Variants in GAB4 observed in about 807,000 individuals in gnomAD.
The protein encoded by GAB4 is GRB2 associated binding protein family member 4.
A neutral mutation model predicts 51.3 loss-of-function variants in GAB4; 26 were observed. The ratio of observed to expected loss-of-function variants is 0.51; its 90% CI spans 0.37 to 0.70. GAB4 has a LOEUF of 0.70. Ranked by LOEUF, GAB4 falls within the 30% of genes least tolerant of loss-of-function variation. The probability of loss-of-function intolerance (pLI) is 0.00; values close to 1 mark genes in which losing one functional copy is unlikely to be tolerated. For missense variants in GAB4, 759 were observed against 734.6 expected, an observed-to-expected ratio of 1.03 and a Z score of -0.38; for synonymous variants, 329 against 291.2, an observed-to-expected ratio of 1.13 and a Z score of -1.32.
At chr22:16,977,455 T>C (rs117160513) in intron 3 of GAB4, among the ~76,000 whole-genome samples, 3,367 of 152,128 alleles carry the variant, frequency 0.022, 59 homozygotes, top group Middle Eastern at 0.068. Flanking sequence ...GTAAAGGGAT[T>C]AATTCAACAA....
rs1486561396 is a variant in GAB4 at position 16,997,829 on chromosome 22, A to T, written c.175-5653T>A. On this transcript the variant is annotated intron_variant, in intron 1 of 9. Transcript: ENST00000400588. ...TCTTGAATTAATTTTTGTATAAGGTACAAGGAAGGGATCCAGTTTCAGCTT... is the reference window on the plus strand; with the variant it reads ...TCTTGAATTAATTTTTGTATAAGGTTCAAGGAAGGGATCCAGTTTCAGCTT... 4.6e-5 allele frequency among the ~76,000 whole-genome samples: 7 copies of T among 151,880 alleles called. 1 individual carries two copies. The highest frequency in any genetic ancestry group is 4.6e-4 in the Admixed American group (7 of 15,260).
At position 16,962,289 on chromosome 22, in the gene GAB4, A is replaced by G. The variant is rs9606550; in HGVS notation, c.*444T>C. Reference sequence around the variant, plus strand: ...TTAACCTTCCTTCTCAACTATTCCAACGTTTGATGGCCTTGCCTCTCCCCT... The same window carrying G: ...TTAACCTTCCTTCTCAACTATTCCAGCGTTTGATGGCCTTGCCTCTCCCCT... On this transcript the variant is annotated 3_prime_UTR_variant, in exon 10 of 10. Coordinates refer to ENST00000400588, the MANE Select transcript of GAB4 (RefSeq NM_001037814.1). 0.031 allele frequency: 4,858 copies of G among 154,268 alleles called. 113 individuals carry two copies. The highest frequency in any genetic ancestry group is 0.05 in the Middle Eastern group (15 of 302). 9.6% of individuals were successfully genotyped at this position (154,268 alleles called of 1,614,324 possible).
intron 1 of GAB4, 100 bp from the exon 2 acceptor site, chr22:16,992,276 A>G (rs2060920470): frequency 3.8e-6 from 4 of 1,046,932 alleles, no homozygotes; most frequent in African/African-American, 1.6e-5. Flanking sequence ...TCGGACCTGC[A>G]CTCAGCCTAT....
chr22:16,993,228 CT>C (rs1341782576), intron 1 of GAB4, among the ~76,000 whole-genome samples: 2 of 152,186 alleles, frequency 1.3e-5, no homozygotes, highest in Non-Finnish European at 2.9e-5. Flanking sequence ...TGAGTCTATG[CT>C]TCTCCACTGA....
At chr22:16,975,307 C>T (rs2060767852) in intron 3 of GAB4, among the ~76,000 whole-genome samples, 1 of 152,168 alleles carries the variant, frequency 6.6e-6, no homozygotes, top group South Asian at 2.1e-4. Flanking sequence ...CAACCAGGGA[C>T]ACTGAAGCTT....
chr22:16,986,978 C>A (rs2123696118), intron 3 of GAB4, among the ~76,000 whole-genome samples: 1 of 152,286 alleles, frequency 6.6e-6, no homozygotes, highest in South Asian at 2.1e-4. Context: ...GGGTTCTAGT[C>A]CCGCCTCTAC....
At chr22:16,994,558 A>G (rs1198794522) in intron 1 of GAB4, among the ~76,000 whole-genome samples, 1 of 152,172 alleles carries the variant, frequency 6.6e-6, no homozygotes, top group Non-Finnish European at 1.5e-5. Context: ...AAGGGTTTTT[A>G]TGCTACTGCA....
In GAB4 at chr22:16,970,150, T is replaced by G. The variant is rs759651579; in HGVS notation, c.730A>C (p.Arg244=). 4.3e-6 allele frequency: 7 copies of G among 1,613,950 alleles called. No homozygotes were observed. In the African/African-American group the frequency reaches 5.3e-5, roughly 12 times the overall value. ...AGATTTTGCATGGCTGTGTTTCTCC[T>G]CATGATGAATGGGGCCTCAGAACCC... ...SQGSEAPFIM[R]RNTAMQNLAQ... The change falls in exon 4 of 10, where the codon AGG becomes CGG. Residue 244 remains arginine, a synonymous_variant. Transcript: ENST00000400588.
intron 1 of GAB4, among the ~76,000 whole-genome samples, chr22:16,995,713 A>G (rs2060944817): frequency 6.6e-6 from 1 of 152,224 alleles, no homozygotes; most frequent in Admixed American, 6.5e-5. Flanking sequence ...AGACCTGCAG[A>G]AGAGGAGCCT....
At chr22:16,995,123 G>A (rs888733448) in intron 1 of GAB4, among the ~76,000 whole-genome samples, 6 of 152,204 alleles carry the variant, frequency 3.9e-5, no homozygotes, top group Non-Finnish European at 8.8e-5. Flanking sequence ...TTCAAGCCCA[G>A]CAGCCTGGTT....
In GAB4 at chr22:17,007,988, T is replaced by TG. The variant is rs752205793; in HGVS notation, c.126dup (p.Ser43GlnfsTer31). 1.2e-6 allele frequency: 2 copies of TG among 1,612,178 alleles called. No homozygotes were observed. Among genetic ancestry groups the TG allele is most frequent in the South Asian group, 1.1e-5 (1 of 90,734 alleles). On this transcript the variant is annotated frameshift_variant, in exon 1 of 10. Transcript: ENST00000400588. LOFTEE classifies it high-confidence loss of function. The stretch of plus-strand genomic sequence containing the variant: ...GGGGGCGACTTCCTCAGCCAGCCGC[T>TG]GTACAGCACGTGGCCACTTCTCGTG...
chr22:16,988,538 A>G (rs1418449818), intron 2 of GAB4, among the ~76,000 whole-genome samples: 2 of 152,314 alleles, frequency 1.3e-5, no homozygotes, highest in Admixed American at 1.3e-4. Context: ...GGCCTCCCTC[A>G]AAGCTAAGGC....
In GAB4 at chr22:16,963,736, G is replaced by C. The variant is rs374519173; in HGVS notation, c.1570C>G (p.Gln524Glu). The C allele has an allele frequency of 6.8e-6, 11 of 1,613,068 alleles. No homozygotes were observed. The African/African-American group carries it at 1.2e-4, about 18-fold the overall frequency. ...TCCACCCCAGGCACCTTGCTCGGCTGGAAGTCCAGGGCCGCGTAGTGGATG... is the reference window on the plus strand; with the variant it reads ...TCCACCCCAGGCACCTTGCTCGGCTCGAAGTCCAGGGCCGCGTAGTGGATG... ...GNIHYAALDF[Q>E]PSKPSIGSVT... The change falls in exon 9 of 10, where the codon CAG becomes GAG. Residue 524 changes from glutamine (Q) to glutamate (E), a missense_variant. By Grantham distance (29) the Gln-to-Glu change is conservative (BLOSUM62 2). Around this residue, in one of 3 missense-constraint regions of GAB4, gnomAD observed 588 missense variants for 510.2 expected, o/e 1.15. Transcript: ENST00000400588.
At chr22:16,991,680 G>C (rs2060915036) in intron 2 of GAB4, among the ~76,000 whole-genome samples, 193 bp downstream of exon 2, 1 of 152,188 alleles carries the variant, frequency 6.6e-6, no homozygotes, top group South Asian at 2.1e-4. Flanking sequence ...GAGAGCTCAG[G>C]GAAGGGGGAG....
Position 16,962,163 on chromosome 22 carries a change from A to C in GAB4, c.*570T>G, listed in dbSNP as rs12170773. On this transcript the variant is annotated 3_prime_UTR_variant, in exon 10 of 10. Coordinates refer to ENST00000400588, the MANE Select transcript of GAB4 (RefSeq NM_001037814.1). The stretch of plus-strand genomic sequence containing the variant: ...CTCTCTGCCTCTCCCACCCGGGAGC[A>C]GCTGCCATACTCTGGCCTCAGTCTG... 593 of 152,944 alleles carry C rather than the reference A, an allele frequency of 3.9e-3. 3 individuals are homozygous for C. Among genetic ancestry groups the C allele is most frequent in the African/African-American group, 0.012 (507 of 41,620 alleles). 9.5% of individuals were successfully genotyped at this position (152,944 alleles called of 1,614,324 possible). A position where few individuals can be genotyped will look rare whatever the true frequency, so the allele number is the denominator to read the frequency against.
rs2060722839 is a variant in GAB4 at position 16,970,611 on chromosome 22, CACA to C, written c.687-421_687-419del. 3.3e-5 allele frequency among the ~76,000 whole-genome samples: 5 copies of C among 152,260 alleles called. No individual in the cohort carries two copies. The South Asian group carries it at 1.0e-3, about 32-fold the overall frequency. ...CCTGCTGTGAGCATTGCAGAATGTG[CACA>C]ACTGAATGCCCAGGCTGAGAGACGG... On this transcript the variant is annotated intron_variant, in intron 3 of 9. Coordinates refer to ENST00000400588, the MANE Select transcript of GAB4 (RefSeq NM_001037814.1).
chr22:16,979,691 G>A (rs1436566787), intron 3 of GAB4, among the ~76,000 whole-genome samples: 1 of 152,142 alleles, frequency 6.6e-6, no homozygotes, highest in Non-Finnish European at 1.5e-5. Context: ...AACCAAAGAA[G>A]AGCCCATATC....
At chr22:16,989,656 G>A (rs2060897697) in intron 2 of GAB4, among the ~76,000 whole-genome samples, 1 of 152,146 alleles carries the variant, frequency 6.6e-6, no homozygotes, top group Non-Finnish European at 1.5e-5. Flanking sequence ...GAGGAGCAAG[G>A]GTCTATGCTA....
rs1426954558 is a variant in GAB4 at position 16,969,932 on chromosome 22, G to A, written c.937+11C>T. The A allele has an allele frequency of 1.9e-6, 3 of 1,613,924 alleles. No homozygotes were observed. The African/African-American group carries it at 4.0e-5, about 22-fold the overall frequency. ...ACAGGGTGCTTCTGGGTGCCTTGAAGGGGTACACACCCTCATTATCCGCCT... is the reference window on the plus strand; with the variant it reads ...ACAGGGTGCTTCTGGGTGCCTTGAAAGGGTACACACCCTCATTATCCGCCT... On this transcript the variant is annotated intron_variant, in intron 4 of 9. Coordinates refer to ENST00000400588, the MANE Select transcript of GAB4 (RefSeq NM_001037814.1).
Sources: allele counts gnomAD v4.1 joint callset (sites outside exome capture counted in the v4.1 genomes callset), GRCh38; gene constraint gnomAD v4.1.1; regional missense constraint gnomAD v4.1.1; transcripts MANE v1.5; gene names NCBI Gene and HGNC (gene_info 2026-07-23, HGNC 2026-07-21).